RSF1: variants seen among roughly 807,000 people sequenced by gnomAD.
The protein encoded by RSF1 is HBV pX-associated protein 8.
In RSF1, 13 loss-of-function variants were observed where a neutral mutation model predicts 145.2. The observed-to-expected ratio is 0.09, with a 90% CI of 0.06 to 0.14. The LOEUF is 0.14. Among genes scored for constraint, RSF1 ranks in the 10% least tolerant of loss-of-function variants. The pLI is 1.00. For missense variants in RSF1, 1,517 were observed against 1,718.2 expected, an observed-to-expected ratio of 0.88 and a Z score of 2.07; for synonymous variants, 577 against 592.6, an observed-to-expected ratio of 0.97 and a Z score of 0.38.
At chr11:77,853,708 A>G in the RSF1 span, among the ~76,000 whole-genome samples, 2 of 152,130 alleles carry the variant, frequency 1.3e-5, no homozygotes, top group African/African-American at 2.4e-5. Context: ...TGGGAGGCCA[A>G]AGTGGATGGA....
the RSF1 span, among the ~76,000 whole-genome samples, chr11:77,870,449 G>A: frequency 1.4e-5 from 2 of 140,034 alleles, no homozygotes; most frequent in South Asian, 4.4e-4. Flanking sequence ...CCATTCTCCT[G>A]TCTCAGCCTC....
chr11:77,822,467 TAA>T (rs200642641), upstream of RSF1, among the ~76,000 whole-genome samples: 1 of 139,030 alleles, frequency 7.2e-6, no homozygotes, highest in African/African-American at 2.7e-5. Flanking sequence ...ACAAACCATG[TAA>T]AAAAGAGAAA....
In RSF1 at chr11:77,691,191, A is replaced by G; in HGVS notation, c.2868T>C (p.Val956=). 2 of 1,614,210 alleles carry G rather than the reference A, an allele frequency of 1.2e-6. No homozygotes were observed. The highest frequency in any genetic ancestry group is 1.7e-6 in the Non-Finnish European group (2 of 1,180,034). ...CGGCACGCTCTTTCTTCTTTAAGGCAACATCCAAATCCTGCAACTGTTCCT... is the reference window on the plus strand; with the variant it reads ...CGGCACGCTCTTTCTTCTTTAAGGCGACATCCAAATCCTGCAACTGTTCCT... ...KLEEQLQDLD[V]ALKKKERAER... Residue 956 remains valine (V), a synonymous_variant, in exon 9 of 16, where the codon GTT becomes GTC. Coordinates refer to ENST00000308488, the MANE Select transcript of RSF1 (RefSeq NM_016578.4).
At chr11:77,842,339 CT>C in the RSF1 span, 1 of 781,166 alleles carries the variant, frequency 1.3e-6, no homozygotes, top group Non-Finnish European at 2.0e-6. Flanking sequence ...CTTTTTAGAC[CT>C]CTAAAGAAGA....
chr11:77,671,166 TA>T (rs1565142962), intron 15 of RSF1, among the ~76,000 whole-genome samples: 4 of 92,790 alleles, frequency 4.3e-5, no homozygotes, highest in Admixed American at 1.4e-4. Flanking sequence ...TATATATATA[TA>T]TATATATATA....
chr11:77,706,798 T>A (rs186265037), intron 5 of RSF1, among the ~76,000 whole-genome samples: 1 of 152,172 alleles, frequency 6.6e-6, no homozygotes, highest in Non-Finnish European at 1.5e-5. Context: ...ATCTGATATG[T>A]AGTTTTTTGA....
At chr11:77,776,491 T>A (rs1247510230) in intron 1 of RSF1, among the ~76,000 whole-genome samples, 4 of 152,212 alleles carry the variant, frequency 2.6e-5, no homozygotes, top group Non-Finnish European at 4.4e-5. Context: ...GCATACTATG[T>A]CATCTTATAG....
the RSF1 span, among the ~76,000 whole-genome samples, chr11:77,862,519 T>C: frequency 2.6e-5 from 4 of 152,322 alleles, no homozygotes; most frequent in South Asian, 2.1e-4. Flanking sequence ...TTGGGGAATA[T>C]TGGCACTCTT....
intron 1 of RSF1, 46 bp downstream of exon 1, chr11:77,820,482 G>C: frequency 6.5e-7 from 1 of 1,531,866 alleles, no homozygotes; most frequent in Non-Finnish European, 8.8e-7. Context: ...GAGAGTAGCA[G>C]AGCGCCAGGG....
chr11:77,766,760 T>C (rs1351129111), intron 1 of RSF1, among the ~76,000 whole-genome samples: 1 of 152,230 alleles, frequency 6.6e-6, no homozygotes, highest in Non-Finnish European at 1.5e-5. Flanking sequence ...GAGAGTCTGT[T>C]GCATTTTAGA....
chr11:77,787,334 T>C (rs1948467008), intron 1 of RSF1, among the ~76,000 whole-genome samples: 1 of 152,162 alleles, frequency 6.6e-6, no homozygotes, highest in African/African-American at 2.4e-5. Flanking sequence ...TATTTTTGTA[T>C]AGCCCAAGAA....
upstream of RSF1, among the ~76,000 whole-genome samples, chr11:77,821,952 C>T (rs1020072097): frequency 6.6e-6 from 1 of 151,924 alleles, no homozygotes; most frequent in Non-Finnish European, 1.5e-5. Flanking sequence ...CTACATCATA[C>T]GGTATTACTA....
Position 77,702,463 on chromosome 11 carries a change from C to T in RSF1, c.766G>A (p.Glu256Lys). Reference protein sequence around the residue: ...EQKESEKMKSEEQPMDLENRS... With the variant: ...EQKESEKMKSKEQPMDLENRS... ...TTTTCTAAATCCATAGGCTGCTCCT[C>T]ACTTTTCATCTTTTCACTTTCTTTC... The change falls in exon 6 of 16, where the codon GAG becomes AAG. Residue 256 changes from glutamate to lysine, a missense_variant. By Grantham distance (56) the Glu-to-Lys change is moderately conservative. Around this residue, in one of 12 missense-constraint regions of RSF1, gnomAD observed 207 missense variants for 191.4 expected, o/e 1.08. Transcript: ENST00000308488. The T allele has an allele frequency of 6.4e-7, 1 of 1,552,460 alleles. No homozygotes were observed. Among genetic ancestry groups the T allele is most frequent in the South Asian group, 1.2e-5 (1 of 80,536 alleles).
At position 77,675,110 on chromosome 11, in the gene RSF1, C is replaced by T. The variant is rs145881006; in HGVS notation, c.3488G>A (p.Arg1163Gln). Reference protein sequence around the residue: ...SRPMRQSRRLRRKTPKKKYSD... With the variant: ...SRPMRQSRRLQRKTPKKKYSD... ...ATATTTTTTCTTTGGGGTCTTTCTTCGCAAACGCCTGCTCTGCCTCATTGG... is the reference window on the plus strand; with the variant it reads ...ATATTTTTTCTTTGGGGTCTTTCTTTGCAAACGCCTGCTCTGCCTCATTGG... Residue 1163 changes from arginine to glutamine, a missense_variant, in exon 14 of 16, where the codon CGA (arginine) becomes CAA (glutamine). Physicochemically the swap from Arg to Gln is conservative, Grantham distance 43. Transcript: ENST00000308488. 1,679 of 1,614,074 alleles carry T rather than the reference C, an allele frequency of 1.0e-3. 5 individuals carry two copies. The highest frequency in any genetic ancestry group is 1.5e-3 in the Middle Eastern group (9 of 6,062).
chr11:77,809,734 C>T (rs1326686116), intron 1 of RSF1, among the ~76,000 whole-genome samples: 2 of 152,198 alleles, frequency 1.3e-5, no homozygotes, highest in Non-Finnish European at 2.9e-5. Flanking sequence ...AAGTAAGCTC[C>T]ATTATACTTC....
intron 1 of RSF1, among the ~76,000 whole-genome samples, chr11:77,810,320 T>C (rs1264163151): frequency 6.6e-6 from 1 of 152,194 alleles, no homozygotes; most frequent in Non-Finnish European, 1.5e-5. Context: ...GGCATTGCCT[T>C]ATGACAATTA....
intron 5 of RSF1, among the ~76,000 whole-genome samples, chr11:77,705,000 C>G (rs1464946517): frequency 6.6e-6 from 1 of 152,314 alleles, no homozygotes; most frequent in Non-Finnish European, 1.5e-5. Flanking sequence ...ATCCGCCCAC[C>G]TTGGCCTCCC....
At chr11:77,797,263 C>T (rs1270218274) in intron 1 of RSF1, among the ~76,000 whole-genome samples, 1 of 152,206 alleles carries the variant, frequency 6.6e-6, no homozygotes, top group Admixed American at 6.5e-5. Context: ...TCTAACTATA[C>T]TACAAGGCTA....
the RSF1 span, among the ~76,000 whole-genome samples, chr11:77,826,667 T>C: frequency 6.6e-6 from 1 of 152,142 alleles, no homozygotes; most frequent in South Asian, 2.1e-4. Flanking sequence ...ACCGAACCTT[T>C]GAAACAGACA....
Sources: allele counts gnomAD v4.1 joint callset (sites outside exome capture counted in the v4.1 genomes callset), GRCh38; gene constraint gnomAD v4.1.1; regional missense constraint gnomAD v4.1.1; transcripts MANE v1.5; gene names NCBI Gene and HGNC (gene_info 2026-07-23, HGNC 2026-07-21).